CDKL1: variants seen among roughly 807,000 people sequenced by gnomAD.
CDKL1 encodes the protein cyclin-dependent kinase-like 1.
A neutral mutation model predicts 42.0 loss-of-function variants in CDKL1; 41 were observed. The ratio of observed to expected loss-of-function variants is 0.98; its 90% CI spans 0.76 to 1.27. The LOEUF (loss-of-function observed/expected upper bound fraction) is 1.27. CDKL1 is among the 50% of genes most tolerant of loss of function. The probability of loss-of-function intolerance (pLI) is 0.00; values close to 1 mark genes in which losing one functional copy is unlikely to be tolerated. For synonymous variants in CDKL1, 153 were observed against 158.6 expected, an observed-to-expected ratio of 0.96 and a Z score of 0.26; for missense variants, 394 against 428.4, an observed-to-expected ratio of 0.92 and a Z score of 0.71.
At chr14:50,338,239 G>GAA (rs954967127) in intron 7 of CDKL1, among the ~76,000 whole-genome samples, 6 of 152,132 alleles carry the variant, frequency 3.9e-5, no homozygotes, top group African/African-American at 1.4e-4. Flanking sequence ...ATTTATTTTG[G>GAA]AAAGAGTCTT....
chr14:50,342,779 A>G (rs2033590348), intron 4 of CDKL1: 1 of 866,704 alleles, frequency 1.2e-6, no homozygotes, highest in African/African-American at 1.9e-5. Flanking sequence ...CGTAAACAGG[A>G]CAAGCCCTGG....
At chr14:50,375,866 GC>G (rs1362526993) in intron 2 of CDKL1, among the ~76,000 whole-genome samples, 1 of 151,958 alleles carries the variant, frequency 6.6e-6, no homozygotes, top group African/African-American at 2.4e-5. Flanking sequence ...TGGTCTTCTA[GC>G]CCATAACCCT....
intron 2 of CDKL1, among the ~76,000 whole-genome samples, chr14:50,391,733 C>A (rs181063365): frequency 6.6e-6 from 1 of 152,216 alleles, no homozygotes; most frequent in East Asian, 1.9e-4. Context: ...TGGTTCAGGG[C>A]AGTAACTCAA....
At chr14:50,385,653 C>A (rs1295148147) in intron 2 of CDKL1, among the ~76,000 whole-genome samples, 2 of 151,512 alleles carry the variant, frequency 1.3e-5, no homozygotes, top group African/African-American at 4.9e-5. Context: ...AAAATACAAA[C>A]ATTAGCCAGG....
chr14:50,338,484 C>T (rs972832325), intron 7 of CDKL1, among the ~76,000 whole-genome samples: 7 of 152,144 alleles, frequency 4.6e-5, no homozygotes, highest in African/African-American at 1.2e-4. Context: ...CTGCCCATCT[C>T]GGCCTCCCCA....
At position 50,369,162 on chromosome 14, in the gene CDKL1, C is replaced by T. The variant is rs140508583; in HGVS notation, c.169-10013G>A. Among the ~76,000 whole-genome samples the T allele has an allele frequency of 6.9e-3, 1,049 of 152,164 alleles. 6 individuals carry two copies. Among genetic ancestry groups the T allele is most frequent in the African/African-American group, 0.018 (740 of 41,512 alleles). ...GATTATAGGTGTGAGCCACCACGCC[C>T]GGCCGCTACCCTTAACCAGGAAATG... is the stretch of plus-strand genomic sequence containing the variant. On this transcript the variant is annotated intron_variant, in intron 2 of 9. Transcript: ENST00000395834.
chr14:50,395,239 G>C (rs1449535477), intron 2 of CDKL1, among the ~76,000 whole-genome samples: 1 of 152,158 alleles, frequency 6.6e-6, no homozygotes, highest in Non-Finnish European at 1.5e-5. Context: ...AATTGTAATG[G>C]TCCTTGAAAA....
chr14:50,342,977 G>C, intron 4 of CDKL1: 1 of 1,356,354 alleles, frequency 7.4e-7, no homozygotes, highest in Middle Eastern at 2.1e-4. Context: ...GCCACCCCTC[G>C]AGATGCGGCC....
At chr14:50,372,311 T>A (rs2034612545) in intron 2 of CDKL1, among the ~76,000 whole-genome samples, 1 of 152,010 alleles carries the variant, frequency 6.6e-6, no homozygotes, top group South Asian at 2.1e-4. Flanking sequence ...AGAGACAGAG[T>A]TTTGCCATGT....
chr14:50,367,564 GAGA>G (rs2034467769), intron 2 of CDKL1, among the ~76,000 whole-genome samples: 2 of 152,354 alleles, frequency 1.3e-5, no homozygotes, highest in South Asian at 2.1e-4. Context: ...CGAATTAGAT[GAGA>G]AGAACTAAGC....
At chr14:50,355,099 T>G (rs1196104728) in intron 3 of CDKL1, among the ~76,000 whole-genome samples, 1 of 152,096 alleles carries the variant, frequency 6.6e-6, no homozygotes, top group Non-Finnish European at 1.5e-5. Flanking sequence ...CTTTTTCCTA[T>G]GTCAATATAT....
intron 2 of CDKL1, among the ~76,000 whole-genome samples, chr14:50,369,097 C>T (rs1179037708): frequency 6.6e-6 from 1 of 152,020 alleles, no homozygotes; most frequent in African/African-American, 2.4e-5. Flanking sequence ...AAACTCTTGA[C>T]CTCAAGTTAT....
intron 3 of CDKL1, among the ~76,000 whole-genome samples, chr14:50,357,725 A>G (rs1357661556): frequency 6.6e-6 from 1 of 152,172 alleles, no homozygotes; most frequent in Non-Finnish European, 1.5e-5. Flanking sequence ...TCGGAGTTCC[A>G]CTAGACTTAA....
chr14:50,332,350 A>C lies in CDKL1; in HGVS notation c.878T>G (p.Ile293Arg), dbSNP rs1595244382. The C allele has an allele frequency of 1.1e-5, 17 of 1,613,956 alleles. No homozygotes were observed. In the East Asian group the frequency reaches 2.7e-4, roughly 25 times the overall value. ...HHPYFENIRE[I>R]EDLAKEHNKP... is the part of the protein sequence containing the mutation. ...GTTGTGTTCTTTTGCCAAATCCTCT[A>C]TTTCTCTGATGTTTTCAAAATATGG... Residue 293 changes from isoleucine to arginine, a missense_variant, in exon 9 of 10, where the codon ATA (isoleucine) becomes AGA (arginine). Coordinates refer to ENST00000395834, the MANE Select transcript of CDKL1 (RefSeq NM_004196.7).
chr14:50,389,001 A>C (rs2139542225), intron 2 of CDKL1, among the ~76,000 whole-genome samples: 1 of 150,300 alleles, frequency 6.7e-6, no homozygotes. Context: ...GGGGAGGCTA[A>C]GGCAGGATAA....
intron 4 of CDKL1, among the ~76,000 whole-genome samples, chr14:50,343,804 G>A (rs1248982672): frequency 6.6e-6 from 1 of 152,114 alleles, no homozygotes; most frequent in Non-Finnish European, 1.5e-5. Flanking sequence ...TGAAAGAGTG[G>A]TAAGTCATAG....
At position 50,330,090 on chromosome 14, in the gene CDKL1, C is replaced by T. The variant is rs779951870; in HGVS notation, c.1058G>A (p.Arg353His). The T allele has an allele frequency of 1.6e-5, 25 of 1,607,722 alleles. No homozygotes were observed. Among genetic ancestry groups the T allele is most frequent in the Non-Finnish European group, 2.1e-5 (25 of 1,178,670 alleles). ...YYCDTKKLNY[R>H]FPNI is the part of the protein sequence containing the mutation. ...CTAGCTCCTTTAAATGTTTGGAAAA[C>T]GGTAGTTAAGTTTCTTGGTATCACA... The change falls in exon 10 of 10, where the codon CGT (arginine) becomes CAT (histidine). Residue 353 changes from arginine (R) to histidine (H), a missense_variant. Transcript: ENST00000395834.
chr14:50,330,495 G>T lies in CDKL1; in HGVS notation c.967-314C>A, dbSNP rs1160233537. The T allele has an allele frequency of 1.2e-4, 32 of 274,618 alleles. 1 individual carries two copies. In the Admixed American group the frequency reaches 1.6e-3, roughly 14 times the overall value. The allele number at this position is 274,618 out of a possible 1,614,324, so 17.0% of individuals were successfully genotyped here. Reference sequence around the variant, plus strand: ...GTTGAGAGCTTGCTGAGATCTTAGGGATCATTTAAGCCAATGCCTTGTCTT... The same window carrying T: ...GTTGAGAGCTTGCTGAGATCTTAGGTATCATTTAAGCCAATGCCTTGTCTT... On this transcript the variant is annotated intron_variant, in intron 9 of 9. Transcript: ENST00000395834.
chr14:50,335,697 T>A, intron 7 of CDKL1: 1 of 1,466,730 alleles, frequency 6.8e-7, no homozygotes, highest in Non-Finnish European at 9.0e-7. Context: ...GTGACTGCAG[T>A]GCATTGTGTG....
Sources: gnomAD v4.1 joint callset for allele counts (sites outside exome capture counted in the v4.1 genomes callset) on GRCh38, gnomAD v4.1.1 for gene constraint, MANE v1.5 for transcripts, NCBI Gene and HGNC (gene_info 2026-07-23, HGNC 2026-07-21) for gene names.